Variants in ABLIM1 observed in about 807,000 individuals in gnomAD.
The protein encoded by ABLIM1 is actin binding LIM protein 1.
In ABLIM1, 40 loss-of-function variants were observed where a neutral mutation model predicts 107.0. The ratio of observed to expected loss-of-function variants is 0.37; its 90% CI spans 0.29 to 0.49. ABLIM1 has a LOEUF of 0.49. Ranked by LOEUF, ABLIM1 falls within the 20% of genes least tolerant of loss-of-function variation. ABLIM1 has a pLI of 0.97. For synonymous variants in ABLIM1, 357 were observed against 357.3 expected (o/e 1.00, Z 0.01); for missense variants, 857 against 1,008.5 (o/e 0.85, Z 2.04).
rs1004714255 is a variant in ABLIM1, at chr10:114,632,067, C to G, written c.244+25890G>C. 5 of 1,195,680 alleles carry G rather than the reference C, an allele frequency of 4.2e-6. No homozygotes were observed. In the African/African-American group the frequency reaches 4.9e-5, roughly 12 times the overall value. 74.1% of individuals were successfully genotyped at this position (1,195,680 alleles called of 1,614,324 possible). A position where few individuals can be genotyped will look rare whatever the true frequency, so the allele number is the denominator to read the frequency against. On this transcript the variant is annotated intron_variant, in intron 1 of 22. Coordinates refer to ENST00000533213, the MANE Select transcript of ABLIM1 (RefSeq NM_002313.7). ...CTTGTGAGGTCCGGGGCTGTGGTCT[C>G]GAGTCCCGCCCCGCCTCGGCGGGCC...
intron 22 of ABLIM1, among the ~76,000 whole-genome samples, chr10:114,437,350 G>T (rs1232349186): frequency 1.4e-5 from 2 of 147,298 alleles, no homozygotes; most frequent in Non-Finnish European, 3.0e-5. Flanking sequence ...ACGGAGTCAG[G>T]CTCTGTTGCC....
At chr10:114,643,157 A>G (rs944396361) in intron 1 of ABLIM1, among the ~76,000 whole-genome samples, 4 of 152,228 alleles carry the variant, frequency 2.6e-5, no homozygotes, top group African/African-American at 9.6e-5. Context: ...GTGAGCAGTG[A>G]ATTCAATTAA....
chr10:114,477,549 T>G (rs1458885009), intron 8 of ABLIM1, among the ~76,000 whole-genome samples: 2 of 152,210 alleles, frequency 1.3e-5, no homozygotes, highest in African/African-American at 4.8e-5. Flanking sequence ...CACCTGGGGA[T>G]GGCTCTGAAT....
chr10:114,690,806 C>G (rs910433047), intron 1 of ABLIM1, among the ~76,000 whole-genome samples: 9 of 152,178 alleles, frequency 5.9e-5, no homozygotes, highest in Admixed American at 5.2e-4. Context: ...CTCAGCCTCC[C>G]AAGGAGCTGA....
intron 6 of ABLIM1, 107 bp downstream of exon 6, chr10:114,544,898 C>A: frequency 2.0e-6 from 2 of 1,020,646 alleles, no homozygotes; most frequent in Non-Finnish European, 1.6e-6. Flanking sequence ...TCTTTCTCCA[C>A]AGGTGAAAAA....
intron 1 of ABLIM1, among the ~76,000 whole-genome samples, chr10:114,713,679 A>G (rs1288481265): frequency 2.0e-5 from 3 of 152,168 alleles, no homozygotes; most frequent in Non-Finnish European, 4.4e-5. Context: ...TCCCCATTTC[A>G]ATCAGCCAAT....
intron 1 of ABLIM1, among the ~76,000 whole-genome samples, chr10:114,720,945 C>T (rs1345750025): frequency 1.3e-5 from 2 of 152,198 alleles, no homozygotes; most frequent in Non-Finnish European, 2.9e-5. Flanking sequence ...GGCTTAGAAC[C>T]AAACCCAGAA....
intron 12 of ABLIM1, chr10:114,463,198 G>A: frequency 8.2e-7 from 1 of 1,224,600 alleles, no homozygotes; most frequent in Non-Finnish European, 1.1e-6. Flanking sequence ...AGGGCACGGT[G>A]GAAACAGAAA....
chr10:114,457,900 T>C (rs761056485), intron 12 of ABLIM1, among the ~76,000 whole-genome samples: 1 of 152,256 alleles, frequency 6.6e-6, no homozygotes, highest in African/African-American at 2.4e-5. Flanking sequence ...GGTGAAACCC[T>C]GTCTCTTCTA....
At chr10:114,684,402 C>T in exon 1 of ABLIM1, 1 of 1,612,688 alleles carries the variant, frequency 6.2e-7, no homozygotes, top group Non-Finnish European at 8.5e-7. Flanking sequence ...ATCTGGCACA[C>T]AGAAAGGCTG....
chr10:114,705,394 T>C (rs578227294), intron 1 of ABLIM1, among the ~76,000 whole-genome samples: 3 of 152,284 alleles, frequency 2.0e-5, no homozygotes, highest in African/African-American at 7.2e-5. Flanking sequence ...CCCACAGGGA[T>C]CTTGCCATGG....
chr10:114,492,949 A>C (rs1412600489), intron 6 of ABLIM1, among the ~76,000 whole-genome samples: 1 of 152,234 alleles, frequency 6.6e-6, no homozygotes, highest in Non-Finnish European at 1.5e-5. Context: ...GTGGAAAAAA[A>C]AATTGAAGTT....
chr10:114,526,452 A>T (rs1341193668), intron 6 of ABLIM1, among the ~76,000 whole-genome samples: 1 of 152,236 alleles, frequency 6.6e-6, no homozygotes, highest in African/African-American at 2.4e-5. Flanking sequence ...GATGAACAAA[A>T]GCTCCTGTCG....
At chr10:114,759,859 T>C (rs1306119330) in intron 1 of ABLIM1, among the ~76,000 whole-genome samples, 1 of 152,168 alleles carries the variant, frequency 6.6e-6, no homozygotes. Context: ...ATTGTCCCAG[T>C]ATCTCAGCAG....
In ABLIM1 at chr10:114,576,760, G is replaced by A. The variant is rs374509750; in HGVS notation, c.380-1161C>T. Among the ~76,000 whole-genome samples the A allele has an allele frequency of 2.2e-4, 33 of 152,222 alleles. No individual in the cohort carries two copies. In the East Asian group the frequency reaches 6.4e-3, roughly 29 times the overall value. On this transcript the variant is annotated intron_variant, in intron 2 of 22. Transcript: ENST00000533213. ...ACCCACAAACAAACTTTCCATTGTG[G>A]ATTCATCAGTCTTTGTTTAGATCAA...
At chr10:114,543,534 T>G (rs576125007) in intron 6 of ABLIM1, among the ~76,000 whole-genome samples, 1 of 152,366 alleles carries the variant, frequency 6.6e-6, no homozygotes, top group Admixed American at 6.5e-5. Flanking sequence ...TCCATTCACC[T>G]GCTGATGGAC....
chr10:114,487,024 T>C (rs553746859), intron 8 of ABLIM1, among the ~76,000 whole-genome samples: 2 of 152,208 alleles, frequency 1.3e-5, no homozygotes, highest in Non-Finnish European at 2.9e-5. Context: ...TTGATAATCA[T>C]TGCTCCAAAG....
intron 1 of ABLIM1, among the ~76,000 whole-genome samples, chr10:114,694,863 A>G (rs528357517): frequency 6.6e-6 from 1 of 152,316 alleles, no homozygotes; most frequent in East Asian, 1.9e-4. Context: ...AGCTAGCTCT[A>G]CCATCTTCTC....
At chr10:114,518,058 A>G (rs1042616894) in intron 6 of ABLIM1, among the ~76,000 whole-genome samples, 3 of 152,160 alleles carry the variant, frequency 2.0e-5, no homozygotes, top group South Asian at 4.1e-4. Context: ...TCATCATCCT[A>G]TAAGCATCAA....
Sources: gnomAD v4.1 joint callset for allele counts (sites outside exome capture counted in the v4.1 genomes callset) on GRCh38, gnomAD v4.1.1 for gene constraint, MANE v1.5 for transcripts, NCBI Gene and HGNC (gene_info 2026-07-23, HGNC 2026-07-21) for gene names.